CBL: variants seen among roughly 807,000 people sequenced by gnomAD.
CBL encodes E3 ubiquitin-protein ligase CBL.
CBL carries 45 observed loss-of-function variants against 96.9 expected under a neutral mutation model. The observed-to-expected ratio is 0.46, with a 90% CI of 0.37 to 0.60. CBL has a LOEUF of 0.60. Among genes scored for constraint, CBL ranks in the 20% least tolerant of loss-of-function variants. The pLI is 0.00. For synonymous variants in CBL, 420 were observed against 426.8 expected, an observed-to-expected ratio of 0.98 and a Z score of 0.20; for missense variants, 1,024 against 1,143.5, an observed-to-expected ratio of 0.90 and a Z score of 1.51.
In CBL at chr11:119,251,824, TTACTC is replaced by T. The variant is rs200458585; in HGVS notation, c.443+19132_443+19136del. Among the ~76,000 whole-genome samples, 317 of 152,256 alleles carry T rather than the reference TTACTC, an allele frequency of 2.1e-3. 3 individuals carry two copies. The East Asian group carries it at 0.03, about 15-fold the overall frequency. ...AGTGCAGAAGCTTTTTCCAATCACT[TTACTC>T]TAATATTGCCAACCAAGACTTGCTC... On this transcript the variant is annotated intron_variant, in intron 2 of 15. Transcript: ENST00000264033.
In CBL at chr11:119,307,685, G is replaced by A. The variant is rs886047813; in HGVS notation, c.*7904G>A. ...CCTGCCTTTAACTAATAAAGAATTGGGAGACAGAAATTTTAAAGTCCTCCT... is the reference window on the plus strand; with the variant it reads ...CCTGCCTTTAACTAATAAAGAATTGAGAGACAGAAATTTTAAAGTCCTCCT... On this transcript the variant is annotated 3_prime_UTR_variant, in exon 16 of 16. Coordinates refer to ENST00000264033, the MANE Select transcript of CBL (RefSeq NM_005188.4). The A allele has an allele frequency of 4.4e-6, 1 of 226,122 alleles. No individual in the cohort carries two copies. Among genetic ancestry groups the A allele is most frequent in the East Asian group, 6.4e-5 (1 of 15,554 alleles). 14.0% of individuals were successfully genotyped at this position (226,122 alleles called of 1,614,324 possible).
At chr11:119,209,577 A>G (rs1040540514) in intron 1 of CBL, among the ~76,000 whole-genome samples, 1 of 152,046 alleles carries the variant, frequency 6.6e-6, no homozygotes, top group Non-Finnish European at 1.5e-5. Context: ...AGATCGCACC[A>G]CTGCACTCTA....
Position 119,228,798 on chromosome 11 carries a change from TTC to T in CBL, c.196-3634_196-3633del, listed in dbSNP as rs200646426. ...ACCACCACCACTCCTAGCTAATTCC[TTC>T]TCTCTCTCTCTCTCTTTTTTTTTTT... On this transcript the variant is annotated intron_variant, in intron 1 of 15. Coordinates refer to ENST00000264033, the MANE Select transcript of CBL (RefSeq NM_005188.4). Among the ~76,000 whole-genome samples, 282 of 147,836 alleles carry T rather than the reference TTC, an allele frequency of 1.9e-3. 1 individual carries two copies. The highest frequency in any genetic ancestry group is 3.4e-3 in the Middle Eastern group (1 of 294).
chr11:119,235,872 TG>T (rs1949541985), intron 2 of CBL, among the ~76,000 whole-genome samples: 1 of 152,216 alleles, frequency 6.6e-6, no homozygotes, highest in African/African-American at 2.4e-5. Context: ...GGATTTGATT[TG>T]TACAAATTAT....
chr11:119,214,912 T>A (rs554354274), intron 1 of CBL, among the ~76,000 whole-genome samples: 101 of 151,124 alleles, frequency 6.7e-4, no homozygotes, highest in Non-Finnish European at 5.9e-4. Context: ...TTTTTTTTTT[T>A]TTTTTAGTGA....
At chr11:119,215,973 C>T (rs1306421956) in intron 1 of CBL, among the ~76,000 whole-genome samples, 1 of 152,246 alleles carries the variant, frequency 6.6e-6, no homozygotes, top group Non-Finnish European at 1.5e-5. Flanking sequence ...CCACAGTGCT[C>T]CTTCCTGCAG....
At chr11:119,228,851 C>G (rs564351575) in intron 1 of CBL, among the ~76,000 whole-genome samples, 1 of 151,860 alleles carries the variant, frequency 6.6e-6, no homozygotes, top group African/African-American at 2.4e-5. Flanking sequence ...GCTCTTGTCC[C>G]CCAGGCTGGA....
At chr11:119,283,661 G>A (rs560107016) in intron 9 of CBL, among the ~76,000 whole-genome samples, 17 of 50,492 alleles carry the variant, frequency 3.4e-4, no homozygotes, top group Non-Finnish European at 4.7e-4. Flanking sequence ...TTTTTGAGAT[G>A]GAGTCTTGCT....
At position 119,271,725 on chromosome 11, in the gene CBL, T is replaced by C. The variant is rs1368434817; in HGVS notation, c.444-10T>C. The C allele has an allele frequency of 6.2e-7, 1 of 1,612,556 alleles. No individual in the cohort carries two copies. Among genetic ancestry groups the C allele is most frequent in the Non-Finnish European group, 8.5e-7 (1 of 1,178,638 alleles). Reference sequence around the variant, plus strand: ...TATGTGTTTAATTATTGCATTCTGATCATTTGTAGGCGAAACCTAACCAAA... The same window carrying C: ...TATGTGTTTAATTATTGCATTCTGACCATTTGTAGGCGAAACCTAACCAAA... On this transcript the variant is annotated splice_polypyrimidine_tract_variant and intron_variant, in intron 2 of 15. Transcript: ENST00000264033.
At chr11:119,229,198 T>C (rs1257454945) in intron 1 of CBL, among the ~76,000 whole-genome samples, 2 of 152,202 alleles carry the variant, frequency 1.3e-5, no homozygotes, top group Non-Finnish European at 2.9e-5. Context: ...TGTAGTCTGT[T>C]TATAAATACC....
At chr11:119,272,863 C>T (rs1285649205) in intron 3 of CBL, among the ~76,000 whole-genome samples, 1 of 152,070 alleles carries the variant, frequency 6.6e-6, no homozygotes, top group Non-Finnish European at 1.5e-5. Context: ...TTCTCCCAGT[C>T]TGTGGCTTAC....
intron 6 of CBL, 86 bp from the exon 7 acceptor site, chr11:119,277,671 G>A: frequency 1.1e-6 from 1 of 876,568 alleles, no homozygotes; most frequent in South Asian, 1.3e-5. Context: ...TTTTAGAATG[G>A]AGAAACTCCC....
At chr11:119,263,167 A>T (rs932479896) in intron 2 of CBL, among the ~76,000 whole-genome samples, 4 of 152,234 alleles carry the variant, frequency 2.6e-5, no homozygotes, top group African/African-American at 9.6e-5. Context: ...CCAATACCAC[A>T]GGCACAGAGC....
At chr11:119,228,908 T>C (rs1394179461) in intron 1 of CBL, among the ~76,000 whole-genome samples, 1 of 151,894 alleles carries the variant, frequency 6.6e-6, no homozygotes, top group Non-Finnish European at 1.5e-5. Context: ...CTTCCCGGGT[T>C]CAAGTGATTC....
rs1182174061 is a variant in CBL at position 119,215,901 on chromosome 11, A to C, written c.195+9289A>C. ...CTATGAAATATTTTCATGATTAGCA[A>C]ATTTTGTGCTGGAAGAATATAGGTA... On this transcript the variant is annotated intron_variant, in intron 1 of 15. Coordinates refer to ENST00000264033, the MANE Select transcript of CBL (RefSeq NM_005188.4). Among the ~76,000 whole-genome samples, 6 of 152,186 alleles carry C rather than the reference A, an allele frequency of 3.9e-5. No homozygotes were observed. In the South Asian group the frequency reaches 8.3e-4, roughly 21 times the overall value.
Position 119,285,495 on chromosome 11 carries a change from T to C in CBL, c.1870T>C (p.Leu624=), listed in dbSNP as rs981306664. Residue 624 remains leucine, a synonymous_variant, in exon 11 of 16, where the codon TTG becomes CTG. Transcript: ENST00000264033. The part of the protein sequence containing the change: ...LTNRHSLPFS[L]PSQMEPRPDV... ...CAACCGGCACTCACTTCCATTTTCATTGCCCTCACAAATGGAGCCCAGACC... is the reference window on the plus strand; with the variant it reads ...CAACCGGCACTCACTTCCATTTTCACTGCCCTCACAAATGGAGCCCAGACC... 1.2e-6 allele frequency: 2 copies of C among 1,614,124 alleles called. No individual in the cohort carries two copies. Among genetic ancestry groups the C allele is most frequent in the Non-Finnish European group, 1.7e-6 (2 of 1,179,980 alleles).
At position 119,307,749 on chromosome 11, in the gene CBL, A is replaced by T. The variant is rs1038871548; in HGVS notation, c.*7968A>T. ...GAAATTCTTAGCCTGGGAGTGCTGG[A>T]GAGAACCTGATGCTTTCTCCAGAAT... is the stretch of plus-strand genomic sequence containing the variant. On this transcript the variant is annotated 3_prime_UTR_variant, in exon 16 of 16. Coordinates refer to ENST00000264033, the MANE Select transcript of CBL (RefSeq NM_005188.4). 1 of 220,718 alleles carries T rather than the reference A, an allele frequency of 4.5e-6. No individual in the cohort carries two copies. The allele number at this position is 220,718 out of a possible 1,614,324, so 13.7% of individuals were successfully genotyped here.
chr11:119,283,787 G>A (rs1239172255), intron 9 of CBL, among the ~76,000 whole-genome samples: 2 of 150,946 alleles, frequency 1.3e-5, no homozygotes, highest in African/African-American at 2.4e-5. Context: ...ACAGGCGCCC[G>A]CCACCACACC....
chr11:119,276,411 TA>T (rs1463843829), intron 6 of CBL, among the ~76,000 whole-genome samples: 1 of 152,238 alleles, frequency 6.6e-6, no homozygotes, highest in Non-Finnish European at 1.5e-5. Context: ...AAGCCTGTGT[TA>T]GGTTTTAAAA....
Sources: allele counts gnomAD v4.1 joint callset (sites outside exome capture counted in the v4.1 genomes callset), GRCh38; gene constraint gnomAD v4.1.1; transcripts MANE v1.5; gene names NCBI Gene and HGNC (gene_info 2026-07-23, HGNC 2026-07-21).